XKR4: variants seen among roughly 807,000 people sequenced by gnomAD.
XKR4 encodes the protein XK-related protein 4.
Under a neutral mutation model 53.9 loss-of-function variants are expected in XKR4, and 12 were observed. That is an observed-to-expected ratio of 0.22 (90% CI 0.14 to 0.36). The LOEUF is 0.36. XKR4 is among the 10% of genes least tolerant of loss of function. The pLI, the probability that XKR4 is intolerant of heterozygous loss-of-function variation, is 1.00. For missense variants in XKR4, 799 were observed against 859.5 expected (o/e 0.93, Z 0.88); for synonymous variants, 354 against 362.4 (o/e 0.98, Z 0.26).
In XKR4 at chr8:55,541,189, A is replaced by G. The variant is rs1028165746; in HGVS notation, c.*16962A>G. 6.6e-6 allele frequency: 1 copy of G among 152,196 alleles called. No individual in the cohort carries two copies. Among genetic ancestry groups the G allele is most frequent in the Non-Finnish European group, 1.5e-5 (1 of 68,036 alleles). 9.4% of individuals were successfully genotyped at this position (152,196 alleles called of 1,614,324 possible). A position where few individuals can be genotyped will look rare whatever the true frequency, so the allele number is the denominator to read the frequency against. Reference sequence around the variant, plus strand: ...CAATAAGTCTTTTGTTTAACATTTCAAAAGGATATTTGGTGCAAAGCAATT... The same window carrying G: ...CAATAAGTCTTTTGTTTAACATTTCGAAAGGATATTTGGTGCAAAGCAATT... On this transcript the variant is annotated 3_prime_UTR_variant, in exon 3 of 3. Coordinates refer to ENST00000327381, the MANE Select transcript of XKR4 (RefSeq NM_052898.2).
At chr8:55,127,533 G>A (rs1052586080) in intron 1 of XKR4, among the ~76,000 whole-genome samples, 17 of 149,452 alleles carry the variant, frequency 1.1e-4, no homozygotes, top group Non-Finnish European at 2.2e-4. Context: ...GATTACAGGC[G>A]TGAGCCACCA....
chr8:55,278,964 A>G (rs1367290147), intron 1 of XKR4, among the ~76,000 whole-genome samples: 1 of 152,208 alleles, frequency 6.6e-6, no homozygotes, highest in Non-Finnish European at 1.5e-5. Flanking sequence ...CAAAAACAAA[A>G]ACAAAAACCC....
intron 1 of XKR4, among the ~76,000 whole-genome samples, chr8:55,252,046 G>C (rs757210244): frequency 7.9e-5 from 12 of 152,152 alleles, no homozygotes; most frequent in African/African-American, 1.2e-4. Context: ...TTCTCAAATG[G>C]AAAATGCTTA....
rs1806950584 is a variant in XKR4, at chr8:55,531,363, AAAT to A, written c.*7138_*7140del. 1 of 152,202 alleles carries A rather than the reference AAAT, an allele frequency of 6.6e-6. No homozygotes were observed. The highest frequency in any genetic ancestry group is 1.5e-5 in the Non-Finnish European group (1 of 68,042). The allele number at this position is 152,202 out of a possible 1,614,324, so 9.4% of individuals were successfully genotyped here. A position where few individuals can be genotyped will look rare whatever the true frequency, so the allele number is the denominator to read the frequency against. On this transcript the variant is annotated 3_prime_UTR_variant, in exon 3 of 3. Coordinates refer to ENST00000327381, the MANE Select transcript of XKR4 (RefSeq NM_052898.2). ...TAAATATAGAAAAGTTAACAGTAAA[AAAT>A]ATAGTATTATTGTCTTATGGGATCG...
At chr8:55,289,689 AAGAAAG>A (rs760437023) in intron 1 of XKR4, among the ~76,000 whole-genome samples, 10 of 144,660 alleles carry the variant, frequency 6.9e-5, no homozygotes, top group East Asian at 2.0e-4. Flanking sequence ...GAAAGAAAGA[AAGAAAG>A]AGAAAGAAAG....
chr8:55,463,445 A>C (rs1477203605), intron 2 of XKR4, among the ~76,000 whole-genome samples: 1 of 151,520 alleles, frequency 6.6e-6, no homozygotes, highest in Non-Finnish European at 1.5e-5. Flanking sequence ...AAGACACAAC[A>C]TACCAGAATC....
At chr8:55,167,988 A>G (rs543302558) in intron 1 of XKR4, among the ~76,000 whole-genome samples, 3 of 152,322 alleles carry the variant, frequency 2.0e-5, no homozygotes, top group African/African-American at 7.2e-5. Context: ...CAGGTAATAA[A>G]TTGGTCATTT....
intron 2 of XKR4, among the ~76,000 whole-genome samples, chr8:55,362,472 C>A (rs952300620): frequency 5.2e-4 from 79 of 152,134 alleles, no homozygotes; most frequent in African/African-American, 1.8e-3. Context: ...TCAGCAGGAG[C>A]AGCCACTTAG....
At chr8:55,292,423 T>A (rs1350223857) in intron 1 of XKR4, among the ~76,000 whole-genome samples, 3 of 152,154 alleles carry the variant, frequency 2.0e-5, no homozygotes, top group African/African-American at 7.2e-5. Context: ...ATCTTAGTTG[T>A]CAGATTTATA....
intron 2 of XKR4, among the ~76,000 whole-genome samples, chr8:55,420,105 CT>C (rs35713155): frequency 5.3e-5 from 8 of 151,318 alleles, no homozygotes; most frequent in East Asian, 1.9e-4. Flanking sequence ...GTGGTTTGGG[CT>C]TTTTTTTTAT....
intron 1 of XKR4, among the ~76,000 whole-genome samples, chr8:55,256,440 G>A (rs927098491): frequency 3.3e-5 from 5 of 152,236 alleles, no homozygotes; most frequent in African/African-American, 9.6e-5. Flanking sequence ...ATTAGTCCAG[G>A]AAACTGGAAA....
At chr8:55,112,617 A>G (rs895804451) in intron 1 of XKR4, among the ~76,000 whole-genome samples, 7 of 140,676 alleles carry the variant, frequency 5.0e-5, no homozygotes, top group African/African-American at 1.3e-4. Flanking sequence ...AATCAAAGCA[A>G]AGGTAGCAAT....
chr8:55,278,505 G>A (rs1429430489), intron 1 of XKR4, among the ~76,000 whole-genome samples: 3 of 151,962 alleles, frequency 2.0e-5, no homozygotes, highest in Admixed American at 6.6e-5. Flanking sequence ...GGGTGTCGTT[G>A]TAATTTTTAA....
Position 55,537,662 on chromosome 8 carries a change from G to A in XKR4, c.*13435G>A, listed in dbSNP as rs1280432946. 1.3e-5 allele frequency: 2 copies of A among 152,204 alleles called. No individual in the cohort carries two copies. The highest frequency in any genetic ancestry group is 6.5e-5 in the Admixed American group (1 of 15,272). 9.4% of individuals were successfully genotyped at this position (152,204 alleles called of 1,614,324 possible). On this transcript the variant is annotated 3_prime_UTR_variant, in exon 3 of 3. Coordinates refer to ENST00000327381, the MANE Select transcript of XKR4 (RefSeq NM_052898.2). ...TCTACACTCAGTGCCAAGTTAGAAT[G>A]TCTTTATGGGGAAGGCAATAAAGTT...
At chr8:55,498,628 C>G (rs1023760679) in intron 2 of XKR4, among the ~76,000 whole-genome samples, 5 of 152,132 alleles carry the variant, frequency 3.3e-5, no homozygotes, top group Non-Finnish European at 5.9e-5. Context: ...CAAAAATTAT[C>G]TGGGGCCAGT....
At chr8:55,409,856 G>A (rs1804749526) in intron 2 of XKR4, among the ~76,000 whole-genome samples, 2 of 152,184 alleles carry the variant, frequency 1.3e-5, no homozygotes, top group African/African-American at 4.8e-5. Flanking sequence ...AATTCTGATT[G>A]CTGAGAAAGT....
At position 55,478,834 on chromosome 8, in the gene XKR4, C is replaced by A. The variant is rs868345821; in HGVS notation, c.1007-44447C>A. Among the ~76,000 whole-genome samples the A allele has an allele frequency of 5.0e-3, 768 of 152,152 alleles. 7 individuals are homozygous for A. The highest frequency in any genetic ancestry group is 6.8e-3 in the Middle Eastern group (2 of 294). ...TTACATAATGGTAAAGGGATCAATT[C>A]AACAAGAAGAGCTAACTATCCTAAA... is the stretch of plus-strand genomic sequence containing the variant. On this transcript the variant is annotated intron_variant, in intron 2 of 2. Transcript: ENST00000327381.
At chr8:55,355,048 C>T (rs1803778747) in intron 1 of XKR4, among the ~76,000 whole-genome samples, 1 of 151,748 alleles carries the variant, frequency 6.6e-6, no homozygotes, top group African/African-American at 2.4e-5. Flanking sequence ...GGATTACAGG[C>T]ATGTGCCACC....
At chr8:55,512,801 G>A (rs149982802) in intron 2 of XKR4, among the ~76,000 whole-genome samples, 1 of 152,128 alleles carries the variant, frequency 6.6e-6, no homozygotes, top group Non-Finnish European at 1.5e-5. Context: ...GGGCACGCCA[G>A]TGTGTTCTCT....
Sources: allele counts gnomAD v4.1 joint callset (sites outside exome capture counted in the v4.1 genomes callset), GRCh38; gene constraint gnomAD v4.1.1; transcripts MANE v1.5; gene names NCBI Gene and HGNC (gene_info 2026-07-23, HGNC 2026-07-21).